Variants in HIVEP1 observed in about 807,000 individuals in gnomAD.
HIVEP1 encodes HIVEP zinc finger 1, also known as zinc finger protein 40.
In HIVEP1, 36 loss-of-function variants were observed where a neutral mutation model predicts 180.0. The ratio of observed to expected loss-of-function variants is 0.20; its 90% CI spans 0.15 to 0.26. The LOEUF is 0.26. Ranked by LOEUF, HIVEP1 falls within the 10% of genes least tolerant of loss-of-function variation. The pLI, the probability that HIVEP1 is intolerant of heterozygous loss-of-function variation, is 1.00. For synonymous variants in HIVEP1, 1,239 were observed against 1,239.0 expected, an observed-to-expected ratio of 1.00 and a Z score of 0.00; for missense variants, 3,143 against 3,268.7, an observed-to-expected ratio of 0.96 and a Z score of 0.94.
At chr6:12,028,729 A>G (rs1768745231) in intron 2 of HIVEP1, among the ~76,000 whole-genome samples, 1 of 152,232 alleles carries the variant, frequency 6.6e-6, no homozygotes, top group Admixed American at 6.5e-5. Flanking sequence ...TTTACATGCA[A>G]TAAAATTCAC....
downstream of HIVEP1, among the ~76,000 whole-genome samples, chr6:12,165,767 ATAAG>A (rs1320097273): frequency 5.9e-5 from 9 of 152,256 alleles, no homozygotes; most frequent in East Asian, 3.8e-4. Flanking sequence ...GAGACATGAA[ATAAG>A]TAAGACAACA....
intron 8 of HIVEP1, among the ~76,000 whole-genome samples, chr6:12,162,667 TAATTGTGG>T (rs1370881763): frequency 5.3e-5 from 8 of 152,212 alleles, no homozygotes; most frequent in Non-Finnish European, 1.2e-4. Flanking sequence ...GATTTATGCC[TAATTGTGG>T]CAGATTGTGC....
chr6:12,136,541 G>C (rs1758714257), intron 7 of HIVEP1, among the ~76,000 whole-genome samples: 1 of 152,148 alleles, frequency 6.6e-6, no homozygotes, highest in Admixed American at 6.5e-5. Context: ...CTTGTTCTGA[G>C]ATTATTCACG....
At chr6:12,107,255 C>T (rs1307320297) in intron 3 of HIVEP1, among the ~76,000 whole-genome samples, 1 of 152,056 alleles carries the variant, frequency 6.6e-6, no homozygotes, top group East Asian at 1.9e-4. Context: ...TACTGTAATC[C>T]GTGTAAGTGT....
At chr6:12,077,452 C>T (rs1197712061) in intron 2 of HIVEP1, among the ~76,000 whole-genome samples, 8 of 152,274 alleles carry the variant, frequency 5.3e-5, no homozygotes, top group South Asian at 4.1e-4. Context: ...AAGTCCTTGG[C>T]GTCCTTGTCA....
chr6:12,050,360 C>T (rs550328244), intron 2 of HIVEP1, among the ~76,000 whole-genome samples: 12 of 152,176 alleles, frequency 7.9e-5, no homozygotes, highest in East Asian at 5.8e-4. Context: ...CCAAGACGGG[C>T]GGATCATGAG....
At chr6:12,027,005 A>T (rs1768627911) in intron 2 of HIVEP1, among the ~76,000 whole-genome samples, 1 of 152,204 alleles carries the variant, frequency 6.6e-6, no homozygotes, top group East Asian at 1.9e-4. Flanking sequence ...CTGTTTTTGT[A>T]AATAAAGTTT....
chr6:12,146,693 T>A (rs1376983346), intron 7 of HIVEP1, among the ~76,000 whole-genome samples: 1 of 152,230 alleles, frequency 6.6e-6, no homozygotes, highest in Non-Finnish European at 1.5e-5. Flanking sequence ...TCATCCTCAG[T>A]AATGATCATT....
the HIVEP1 span, among the ~76,000 whole-genome samples, chr6:12,173,371 A>C: frequency 1.3e-5 from 2 of 152,192 alleles, no homozygotes; most frequent in Admixed American, 1.3e-4. Flanking sequence ...TATTTCTCCT[A>C]GGAAGGGGAC....
chr6:12,209,297 G>A, the HIVEP1 span, among the ~76,000 whole-genome samples: 2,225 of 152,278 alleles, frequency 0.015, 61 homozygotes, highest in African/African-American at 0.051. Context: ...GCCTGGTGTG[G>A]TGGCAGGAGC....
Position 12,139,936 on chromosome 6 carries a change from A to G in HIVEP1, c.6487+4044A>G, listed in dbSNP as rs145840730. 6.9e-3 allele frequency among the ~76,000 whole-genome samples: 1,057 copies of G among 152,334 alleles called. 17 individuals are homozygous for G. Among genetic ancestry groups the G allele is most frequent in the African/African-American group, 0.024 (990 of 41,578 alleles). On this transcript the variant is annotated intron_variant, in intron 7 of 8. Coordinates refer to ENST00000379388, the MANE Select transcript of HIVEP1 (RefSeq NM_002114.4). ...CATAGCTGAGCAAAAGACAGCAGAA[A>G]CTTCTGCAGGCTTAAACATTCCTGT... is the stretch of plus-strand genomic sequence containing the variant.
chr6:12,059,330 G>A (rs55760539), intron 2 of HIVEP1, among the ~76,000 whole-genome samples: 32,602 of 152,016 alleles, frequency 0.21, 4,161 homozygotes, highest in Middle Eastern at 0.32. Flanking sequence ...GAGCCACTGC[G>A]CCCAGCCAAC....
intron 2 of HIVEP1, among the ~76,000 whole-genome samples, chr6:12,065,165 G>T (rs546051260): frequency 1.3e-5 from 2 of 152,182 alleles, no homozygotes; most frequent in Non-Finnish European, 2.9e-5. Context: ...TACTTTCCTG[G>T]AATCATTAGT....
At chr6:12,146,845 G>A (rs1759402820) in intron 7 of HIVEP1, among the ~76,000 whole-genome samples, 1 of 151,896 alleles carries the variant, frequency 6.6e-6, no homozygotes, top group Non-Finnish European at 1.5e-5. Context: ...AGGAGCTCCT[G>A]GCTGATTACT....
chr6:12,119,840 G>T (rs769862877), intron 3 of HIVEP1, 50 bp from the exon 4 acceptor site: 3 of 1,155,286 alleles, frequency 2.6e-6, no homozygotes, highest in African/African-American at 1.6e-5. Flanking sequence ...ATTATAGTTG[G>T]TGTATGTACA....
At chr6:12,103,712 C>A (rs778328215) in intron 3 of HIVEP1, among the ~76,000 whole-genome samples, 14 of 151,064 alleles carry the variant, frequency 9.3e-5, no homozygotes, top group Admixed American at 2.0e-4. Flanking sequence ...ATAGTGTATT[C>A]TTATTTTCTT....
At chr6:12,168,125 T>G (rs114456124), downstream of HIVEP1, among the ~76,000 whole-genome samples, 11,346 of 35,496 alleles carry the variant, frequency 0.32, 4,608 homozygotes, top group East Asian at 0.49. Flanking sequence ...TATATATACA[T>G]ATATACGTGT....
chr6:12,107,658 C>T (rs939381336), intron 3 of HIVEP1, among the ~76,000 whole-genome samples: 10 of 152,122 alleles, frequency 6.6e-5, no homozygotes, highest in Admixed American at 1.3e-4. Context: ...TGCAGACCTT[C>T]GTGGTGAGTG....
Position 12,130,599 on chromosome 6 carries a change from A to C in HIVEP1, c.6210-168A>C, listed in dbSNP as rs151193757. On this transcript the variant is annotated intron_variant, in intron 5 of 8. Transcript: ENST00000379388. ...TTGTTTGATTAGAATTAGCTATATT[A>C]AGTGTTGATGTAAAAAGCTGGAATA... 3.3e-5 allele frequency among the ~76,000 whole-genome samples: 5 copies of C among 152,352 alleles called. No homozygotes were observed. The East Asian group carries it at 9.6e-4, about 29-fold the overall frequency.
Sources: gnomAD v4.1 joint callset for allele counts (sites outside exome capture counted in the v4.1 genomes callset) on GRCh38, gnomAD v4.1.1 for gene constraint, MANE v1.5 for transcripts, NCBI Gene and HGNC (gene_info 2026-07-23, HGNC 2026-07-21) for gene names.